SLCO1A2: variants seen among roughly 807,000 people sequenced by gnomAD.
The protein encoded by SLCO1A2 is OATP-1.
SLCO1A2 carries 67 observed loss-of-function variants against 69.0 expected under a neutral mutation model. That is an observed-to-expected ratio of 0.97 (90% CI 0.80 to 1.19). The LOEUF is 1.19. Among genes scored for constraint, SLCO1A2 ranks in the 50% most tolerant of loss-of-function variants. SLCO1A2 has a pLI of 0.00. For missense variants in SLCO1A2, 787 were observed against 793.7 expected (o/e 0.99, Z 0.10); for synonymous variants, 260 against 265.9 (o/e 0.98, Z 0.22).
At chr12:21,388,017 T>G (rs1025428466) in intron 1 of SLCO1A2, among the ~76,000 whole-genome samples, 4 of 152,224 alleles carry the variant, frequency 2.6e-5, no homozygotes, top group Non-Finnish European at 4.4e-5. Flanking sequence ...CATTGGATTT[T>G]AGACTTATGT....
At chr12:21,320,718 C>T (rs1273239685) in intron 2 of SLCO1A2, among the ~76,000 whole-genome samples, 5 of 151,998 alleles carry the variant, frequency 3.3e-5, no homozygotes, top group African/African-American at 1.2e-4. Context: ...AGGCTGGTCT[C>T]GAACTCCTGA....
intron 1 of SLCO1A2, chr12:21,378,359 A>G: frequency 6.2e-7 from 1 of 1,614,198 alleles, no homozygotes; most frequent in Non-Finnish European, 8.5e-7. Flanking sequence ...GTGGGATCCA[A>G]TACATATGGC....
intron 1 of SLCO1A2, among the ~76,000 whole-genome samples, chr12:21,392,825 C>A (rs55820877): frequency 0.044 from 6,737 of 152,258 alleles, 162 homozygotes; most frequent in Middle Eastern, 0.055. Flanking sequence ...TAAGAGAAGT[C>A]ACTTTCAATT....
chr12:21,345,203 G>T (rs1252256111), intron 2 of SLCO1A2, among the ~76,000 whole-genome samples: 1 of 151,742 alleles, frequency 6.6e-6, no homozygotes, highest in Non-Finnish European at 1.5e-5. Flanking sequence ...GACGTTTATG[G>T]TGCAAATTCA....
At chr12:21,295,543 T>A (rs1017521419) in intron 10 of SLCO1A2, 54 bp downstream of exon 10, 9 of 1,150,320 alleles carry the variant, frequency 7.8e-6, no homozygotes, top group Non-Finnish European at 1.2e-5. Context: ...TTGTAAAAAA[T>A]ATCATATTAA....
chr12:21,371,936 A>C (rs2137087681), intron 2 of SLCO1A2, among the ~76,000 whole-genome samples: 1 of 152,226 alleles, frequency 6.6e-6, no homozygotes. Context: ...CGGGAGGCAC[A>C]GGTTACAGTG....
At chr12:21,325,715 A>T (rs947688020) in intron 2 of SLCO1A2, among the ~76,000 whole-genome samples, 2 of 152,196 alleles carry the variant, frequency 1.3e-5, no homozygotes, top group Non-Finnish European at 2.9e-5. Context: ...TTTCAACCCC[A>T]TCAATTTTCA....
At chr12:21,284,407 G>A (rs2136213884) in intron 12 of SLCO1A2, among the ~76,000 whole-genome samples, 1 of 152,112 alleles carries the variant, frequency 6.6e-6, no homozygotes, top group Non-Finnish European at 1.5e-5. Flanking sequence ...AATACTGATG[G>A]GAGACTTTAA....
At chr12:21,381,144 C>A (rs1222873509) in intron 1 of SLCO1A2, among the ~76,000 whole-genome samples, 1 of 151,678 alleles carries the variant, frequency 6.6e-6, no homozygotes, top group African/African-American at 2.4e-5. Flanking sequence ...ATAAATGCAA[C>A]AAAAACAAAA....
intron 1 of SLCO1A2, among the ~76,000 whole-genome samples, chr12:21,381,090 T>G (rs1940558452): frequency 6.6e-6 from 1 of 151,874 alleles, no homozygotes; most frequent in African/African-American, 2.4e-5. Flanking sequence ...GTATGTACAC[T>G]ATGAGAAAAA....
chr12:21,362,803 A>G (rs974061406), intron 2 of SLCO1A2, among the ~76,000 whole-genome samples: 9 of 152,060 alleles, frequency 5.9e-5, no homozygotes, highest in African/African-American at 2.2e-4. Context: ...AGACAAGGCC[A>G]TTACATAATG....
rs1359932303 is a variant in SLCO1A2, at chr12:21,297,339, C to G, written c.1075+65G>C. The stretch of plus-strand genomic sequence containing the variant: ...AACACTTCAACTTAGGAGTTTGCTA[C>G]ACCCGCCATCACACTGTTCGTGGGG... On this transcript the variant is annotated intron_variant, in intron 9 of 14. Coordinates refer to ENST00000683939, the MANE Select transcript of SLCO1A2 (RefSeq NM_001386879.1). The G allele has an allele frequency of 3.9e-5, 48 of 1,240,650 alleles. No homozygotes were observed. The East Asian group carries it at 1.0e-3, about 27-fold the overall frequency. 76.9% of individuals were successfully genotyped at this position (1,240,650 alleles called of 1,614,324 possible). A position where few individuals can be genotyped will look rare whatever the true frequency, so the allele number is the denominator to read the frequency against.
At chr12:21,418,519 A>G (rs769918979), upstream of SLCO1A2, among the ~76,000 whole-genome samples, 9 of 152,176 alleles carry the variant, frequency 5.9e-5, no homozygotes, top group African/African-American at 1.2e-4. Context: ...CATAATCATG[A>G]TGGAAGGCAA....
intron 1 of SLCO1A2, among the ~76,000 whole-genome samples, chr12:21,391,488 G>A (rs1941149792): frequency 1.3e-5 from 2 of 152,082 alleles, no homozygotes; most frequent in South Asian, 4.1e-4. Context: ...GTGTCTTTCT[G>A]AGCATAATGT....
At chr12:21,297,249 C>G (rs1390510470) in intron 9 of SLCO1A2, among the ~76,000 whole-genome samples, 155 bp downstream of exon 9, 1 of 144,396 alleles carries the variant, frequency 6.9e-6, no homozygotes, top group African/African-American at 2.6e-5. Context: ...TTCTTTCTTT[C>G]TCTTTCTTTC....
At chr12:21,305,360 G>T (rs572877355) in intron 5 of SLCO1A2, among the ~76,000 whole-genome samples, 12 of 152,228 alleles carry the variant, frequency 7.9e-5, no homozygotes, top group Non-Finnish European at 1.8e-4. Context: ...CGTTTTCAGG[G>T]ATCTGAAGGA....
intron 2 of SLCO1A2, among the ~76,000 whole-genome samples, chr12:21,334,182 G>A (rs1952782139): frequency 6.6e-6 from 1 of 152,058 alleles, no homozygotes; most frequent in African/African-American, 2.4e-5. Context: ...CATTTGTTTT[G>A]CTGGGTAATT....
At chr12:21,365,302 T>C (rs1939285201) in intron 2 of SLCO1A2, among the ~76,000 whole-genome samples, 1 of 152,180 alleles carries the variant, frequency 6.6e-6, no homozygotes, top group Non-Finnish European at 1.5e-5. Context: ...GGGGAAAGGA[T>C]TCCCTATTTA....
chr12:21,381,017 C>T (rs2137122784), intron 1 of SLCO1A2, among the ~76,000 whole-genome samples: 1 of 152,174 alleles, frequency 6.6e-6, no homozygotes, highest in African/African-American at 2.4e-5. Context: ...AGGTAGAAAA[C>T]ACCTAAAACT....
Sources: gnomAD v4.1 joint callset for allele counts (sites outside exome capture counted in the v4.1 genomes callset) on GRCh38, gnomAD v4.1.1 for gene constraint, MANE v1.5 for transcripts, NCBI Gene and HGNC (gene_info 2026-07-23, HGNC 2026-07-21) for gene names.